The following TSPAN18 variants were observed in gnomAD, a reference collection of about 807,000 sequenced individuals.
TSPAN18 encodes the protein tetraspanin 18.
A neutral mutation model predicts 27.3 loss-of-function variants in TSPAN18; 14 were observed. That is an observed-to-expected ratio of 0.51 (90% confidence interval 0.34 to 0.80). The LOEUF (loss-of-function observed/expected upper bound fraction) is 0.80. Among genes scored for constraint, TSPAN18 ranks in the 30% least tolerant of loss-of-function variants. TSPAN18 has a pLI of 0.01. For missense variants in TSPAN18, 268 were observed against 323.9 expected (o/e 0.83, Z 1.32); for synonymous variants, 143 against 136.5 (o/e 1.05, Z -0.33).
chr11:44,729,473 G>A (rs1400614956), intron 1 of TSPAN18, among the ~76,000 whole-genome samples: 1 of 152,126 alleles, frequency 6.6e-6, no homozygotes, highest in Non-Finnish European at 1.5e-5. Flanking sequence ...GGCTACTAAA[G>A]TCTGTGTTTG....
chr11:44,809,312 C>A (rs560841028), intron 2 of TSPAN18, among the ~76,000 whole-genome samples: 1 of 152,026 alleles, frequency 6.6e-6, no homozygotes, highest in African/African-American at 2.4e-5. Context: ...TTATCTCCAC[C>A]GAGAGGTCTC....
rs879251307 is a variant in TSPAN18 at position 44,824,007 on chromosome 11, C to A, written c.-152-36321C>A. Among the ~76,000 whole-genome samples the A allele has an allele frequency of 3.3e-5, 5 of 152,310 alleles. No individual in the cohort carries two copies. The South Asian group carries it at 1.0e-3, about 32-fold the overall frequency. Reference sequence around the variant, plus strand: ...ACTAGAGTCCCGTGCTGTAGCCAGTCGCTGGGAATCGGCTAAAAAGCAAGG... The same window carrying A: ...ACTAGAGTCCCGTGCTGTAGCCAGTAGCTGGGAATCGGCTAAAAAGCAAGG... On this transcript the variant is annotated intron_variant, in intron 2 of 9. Coordinates refer to ENST00000520358, the MANE Select transcript of TSPAN18 (RefSeq NM_130783.5).
intron 2 of TSPAN18, among the ~76,000 whole-genome samples, chr11:44,848,255 C>G (rs1857525122): frequency 6.6e-6 from 1 of 152,168 alleles, no homozygotes; most frequent in Non-Finnish European, 1.5e-5. Flanking sequence ...CCATTTGGCT[C>G]TTCGAGGCGT....
At chr11:44,845,194 GCATT>G (rs1857455321) in intron 2 of TSPAN18, among the ~76,000 whole-genome samples, 1 of 152,168 alleles carries the variant, frequency 6.6e-6, no homozygotes, top group Non-Finnish European at 1.5e-5. Flanking sequence ...CTGCATTTGG[GCATT>G]CAAAGTCGAA....
chr11:44,866,731 C>T (rs1308139558), intron 3 of TSPAN18, among the ~76,000 whole-genome samples: 1 of 152,218 alleles, frequency 6.6e-6, no homozygotes, highest in African/African-American at 2.4e-5. Context: ...AGCCTGCTGC[C>T]TCTGCTGCCC....
chr11:44,738,609 C>A (rs990276458), intron 1 of TSPAN18, among the ~76,000 whole-genome samples: 1 of 152,188 alleles, frequency 6.6e-6, no homozygotes, highest in Non-Finnish European at 1.5e-5. Flanking sequence ...CCTTGGCTTG[C>A]GGATGGCCAC....
chr11:44,833,889 C>T (rs1459760708), intron 2 of TSPAN18, among the ~76,000 whole-genome samples: 1 of 151,912 alleles, frequency 6.6e-6, no homozygotes. Flanking sequence ...ATGCTCACCC[C>T]CACCCAGTAG....
chr11:44,878,427 G>A (rs555425956), intron 3 of TSPAN18, among the ~76,000 whole-genome samples: 3 of 152,270 alleles, frequency 2.0e-5, no homozygotes, highest in South Asian at 4.1e-4. Flanking sequence ...CAGCCCGGGG[G>A]AGGTTTCCTT....
chr11:44,842,549 G>A (rs1480028742), intron 2 of TSPAN18, among the ~76,000 whole-genome samples: 14 of 152,176 alleles, frequency 9.2e-5, no homozygotes, highest in Admixed American at 7.9e-4. Context: ...CTTCCATGAA[G>A]TCAGGGAGGG....
At chr11:44,783,452 G>T (rs966708864) in intron 2 of TSPAN18, among the ~76,000 whole-genome samples, 4 of 151,442 alleles carry the variant, frequency 2.6e-5, no homozygotes, top group African/African-American at 9.7e-5. Context: ...AGGCTGGAGT[G>T]CAGTGGTGTG....
At chr11:44,790,184 T>TGTGTGTGTGTGCGC (rs1420350433) in intron 2 of TSPAN18, among the ~76,000 whole-genome samples, 3 of 150,912 alleles carry the variant, frequency 2.0e-5, no homozygotes, top group Non-Finnish European at 4.4e-5. Flanking sequence ...TGTGTGCGCA[T>TGTGTGTGTGTGCGC]ATGTGTGTGT....
intron 2 of TSPAN18, among the ~76,000 whole-genome samples, chr11:44,774,936 G>A (rs1475240604): frequency 6.6e-6 from 1 of 152,178 alleles, no homozygotes; most frequent in Non-Finnish European, 1.5e-5. Context: ...TCACACTCAG[G>A]CATGTGTTCA....
At chr11:44,748,177 G>A (rs1298820764) in intron 1 of TSPAN18, among the ~76,000 whole-genome samples, 1 of 152,206 alleles carries the variant, frequency 6.6e-6, no homozygotes, top group Non-Finnish European at 1.5e-5. Context: ...AGAGGCCAAG[G>A]CAGACAGATC....
intron 2 of TSPAN18, among the ~76,000 whole-genome samples, chr11:44,814,688 A>AT (rs56339356): frequency 0.71 from 102,788 of 144,362 alleles, 36,885 homozygotes; most frequent in Non-Finnish European, 0.77. Context: ...CCATCCATCC[A>AT]CCCACCCACC....
Position 44,930,544 on chromosome 11 carries a change from G to A in TSPAN18, c.*1366G>A, listed in dbSNP as rs1025334742. 2.6e-5 allele frequency: 7 copies of A among 269,020 alleles called. No homozygotes were observed. The highest frequency in any genetic ancestry group is 4.8e-5 in the Admixed American group (1 of 21,012). 16.7% of individuals were successfully genotyped at this position (269,020 alleles called of 1,614,324 possible). A position where few individuals can be genotyped will look rare whatever the true frequency, so the allele number is the denominator to read the frequency against. ...AAGGTTTCCTGTCTCTTCACTGTCC[G>A]CACATTTCTTAGTATTCCCTCCAGG... is the stretch of plus-strand genomic sequence containing the variant. On this transcript the variant is annotated 3_prime_UTR_variant, in exon 10 of 10. Transcript: ENST00000520358.
At chr11:44,842,445 A>G (rs1397228613) in intron 2 of TSPAN18, among the ~76,000 whole-genome samples, 1 of 152,138 alleles carries the variant, frequency 6.6e-6, no homozygotes, top group Non-Finnish European at 1.5e-5. Context: ...AGCATTTTCT[A>G]TGCATGACCG....
At chr11:44,928,484 A>G (rs908724214) in intron 9 of TSPAN18, among the ~76,000 whole-genome samples, 51 of 152,044 alleles carry the variant, frequency 3.4e-4, no homozygotes, top group African/African-American at 1.2e-3. Context: ...CCTCCCAATA[A>G]AGCACTTAAA....
At chr11:44,898,671 G>A (rs1859151479) in intron 3 of TSPAN18, among the ~76,000 whole-genome samples, 1 of 152,218 alleles carries the variant, frequency 6.6e-6, no homozygotes, top group East Asian at 1.9e-4. Flanking sequence ...GCATCACATG[G>A]CGAGGGGGCT....
At chr11:44,880,720 GTTGGAC>G (rs1858466689) in intron 3 of TSPAN18, among the ~76,000 whole-genome samples, 1 of 152,242 alleles carries the variant, frequency 6.6e-6, no homozygotes, top group South Asian at 2.1e-4. Context: ...GCATGAAGTG[GTTGGAC>G]TCAAGGACCT....
Sources: gnomAD v4.1 joint callset for allele counts (sites outside exome capture counted in the v4.1 genomes callset) on GRCh38, gnomAD v4.1.1 for gene constraint, MANE v1.5 for transcripts, NCBI Gene and HGNC (gene_info 2026-07-23, HGNC 2026-07-21) for gene names.